Variants in CA8 observed in about 807,000 individuals in gnomAD.
CA8 encodes the protein carbonic anhydrase 8 (inactive), also known as carbonic anhydrase-related protein.
A neutral mutation model predicts 41.4 loss-of-function variants in CA8; 22 were observed. The ratio of observed to expected loss-of-function variants is 0.53; its 90% CI spans 0.38 to 0.76. The LOEUF (loss-of-function observed/expected upper bound fraction) is 0.76. Among genes scored for constraint, CA8 ranks in the 30% least tolerant of loss-of-function variants. The pLI, the probability that CA8 is intolerant of heterozygous loss-of-function variation, is 0.00. For missense variants in CA8, 270 were observed against 352.8 expected, an observed-to-expected ratio of 0.77 and a Z score of 1.88; for synonymous variants, 121 against 130.6, an observed-to-expected ratio of 0.93 and a Z score of 0.50.
intron 3 of CA8, among the ~76,000 whole-genome samples, chr8:60,242,697 G>A (rs899074760): frequency 2.0e-5 from 3 of 152,326 alleles, no homozygotes; most frequent in Middle Eastern, 3.4e-3. Context: ...GTAAAAGGGA[G>A]ACCAGACTGT....
chr8:60,263,138 C>T (rs937548772), intron 3 of CA8, among the ~76,000 whole-genome samples: 1 of 151,992 alleles, frequency 6.6e-6, no homozygotes, highest in African/African-American at 2.4e-5. Flanking sequence ...GTCAGGAGTT[C>T]GAGACCAGCC....
chr8:60,224,397 G>T, intron 6 of CA8, 140 bp downstream of exon 6: 1 of 619,058 alleles, frequency 1.6e-6, no homozygotes, highest in Non-Finnish European at 2.9e-6. Context: ...GAGTAATCTG[G>T]AAATGGTATC....
intron 3 of CA8, among the ~76,000 whole-genome samples, chr8:60,236,371 A>G (rs894121478): frequency 5.3e-5 from 8 of 152,168 alleles, no homozygotes; most frequent in Non-Finnish European, 1.2e-4. Flanking sequence ...CCCCACAACT[A>G]CATGAACCAG....
At chr8:60,226,609 C>T (rs1356275325) in intron 5 of CA8, among the ~76,000 whole-genome samples, 1 of 152,178 alleles carries the variant, frequency 6.6e-6, no homozygotes, top group African/African-American at 2.4e-5. Context: ...CACATCATTG[C>T]TAGGAGAATT....
chr8:60,197,685 TGA>T (rs1806320312), intron 8 of CA8, among the ~76,000 whole-genome samples: 1 of 152,186 alleles, frequency 6.6e-6, no homozygotes, highest in Non-Finnish European at 1.5e-5. Flanking sequence ...GAGGAGAGTT[TGA>T]GAGACGTTTG....
In CA8 at chr8:60,188,223, T is replaced by C. The variant is rs757285403; in HGVS notation, c.*1798A>G. ...AGGGTGAAGTCTGAACAACTAGATG[T>C]TATCCTGAAAGTCATTTAATTACTA... On this transcript the variant is annotated 3_prime_UTR_variant, in exon 9 of 9. Coordinates refer to ENST00000317995, the MANE Select transcript of CA8 (RefSeq NM_004056.6). The C allele has an allele frequency of 1.3e-5, 2 of 152,190 alleles. No individual in the cohort carries two copies. The highest frequency in any genetic ancestry group is 2.9e-5 in the Non-Finnish European group (2 of 68,028). 9.4% of individuals were successfully genotyped at this position (152,190 alleles called of 1,614,324 possible).
chr8:60,251,016 T>C lies in CA8; in HGVS notation c.417+14909A>G, dbSNP rs181597450. On this transcript the variant is annotated intron_variant, in intron 3 of 8. Coordinates refer to ENST00000317995, the MANE Select transcript of CA8 (RefSeq NM_004056.6). ...GTATACATGTAATAATAGCTATATA[T>C]ATATTTATATGCCATTAAATTACTA... 9.8e-4 allele frequency among the ~76,000 whole-genome samples: 149 copies of C among 152,320 alleles called. 4 individuals carry two copies. In the East Asian group the frequency reaches 0.027, roughly 27 times the overall value.
chr8:60,190,518 A>G (rs1378995818), intron 8 of CA8, among the ~76,000 whole-genome samples: 1 of 146,914 alleles, frequency 6.8e-6, no homozygotes, highest in Non-Finnish European at 1.5e-5. Context: ...TGTGCTTCTC[A>G]TATAGGAAAA....
intron 3 of CA8, among the ~76,000 whole-genome samples, chr8:60,247,437 G>T (rs113775716): frequency 6.6e-6 from 1 of 152,090 alleles, no homozygotes; most frequent in Admixed American, 6.6e-5. Flanking sequence ...CATGGTGTGT[G>T]TTGTTCCCCT....
At chr8:60,213,587 T>C (rs1055743482) in intron 7 of CA8, among the ~76,000 whole-genome samples, 1 of 152,204 alleles carries the variant, frequency 6.6e-6, no homozygotes, top group Non-Finnish European at 1.5e-5. Flanking sequence ...TTGTCCAATC[T>C]GAGATGTGCT....
At chr8:60,230,532 A>C (rs9969468) in intron 4 of CA8, among the ~76,000 whole-genome samples, 146,918 of 151,994 alleles carry the variant, frequency 0.97, 71,184 homozygotes, top group Non-Finnish European at 0.99. Flanking sequence ...AATTTCTCTC[A>C]TCCAGCCTGA....
chr8:60,219,953 A>AC (rs1807187367), intron 7 of CA8, among the ~76,000 whole-genome samples: 1 of 149,160 alleles, frequency 6.7e-6, no homozygotes, highest in South Asian at 2.2e-4. Context: ...AAAAAAAAAA[A>AC]CACTTGACTA....
chr8:60,269,855 G>A (rs1311461750), intron 2 of CA8, among the ~76,000 whole-genome samples: 1 of 152,214 alleles, frequency 6.6e-6, no homozygotes, highest in East Asian at 1.9e-4. Flanking sequence ...GCAGGAAAGG[G>A]TAGCAGGAGG....
chr8:60,280,661 G>T (rs1483583461), intron 1 of CA8, among the ~76,000 whole-genome samples: 1 of 152,206 alleles, frequency 6.6e-6, no homozygotes, highest in African/African-American at 2.4e-5. Context: ...AGCCAAAAAC[G>T]AATTCTTCAC....
chr8:60,266,146 T>C (rs1454319359), intron 2 of CA8, 97 bp from the exon 3 acceptor site: 7 of 1,145,366 alleles, frequency 6.1e-6, no homozygotes, highest in Non-Finnish European at 8.7e-6. Context: ...AATGCTCTCA[T>C]GGGCTCTACA....
At chr8:60,275,752 T>C (rs1804211629) in intron 2 of CA8, among the ~76,000 whole-genome samples, 2 of 152,166 alleles carry the variant, frequency 1.3e-5, no homozygotes, top group South Asian at 4.1e-4. Flanking sequence ...GCCCAGCATA[T>C]AGTGCAGAAA....
chr8:60,230,125 A>G (rs1807589898), intron 4 of CA8, among the ~76,000 whole-genome samples: 2 of 152,180 alleles, frequency 1.3e-5, no homozygotes, highest in South Asian at 4.1e-4. Flanking sequence ...GAGATAATGA[A>G]GGTTGTCAGG....
chr8:60,236,168 G>A (rs1017381500), intron 3 of CA8, among the ~76,000 whole-genome samples: 1 of 152,168 alleles, frequency 6.6e-6, no homozygotes, highest in African/African-American at 2.4e-5. Flanking sequence ...TCCACTACAT[G>A]AGTAGGCCTC....
At position 60,232,359 on chromosome 8, in the gene CA8, G is replaced by A. The variant is rs1201920640; in HGVS notation, c.438C>T (p.Asn146=). ...FPMELHLIHW[N]STLFGSIDEA... Reference sequence around the variant, plus strand: ...CATCAATGCTGCCAAACAGAGTGGAGTTCCAGTGGATCAGATGGAGCTGAG... The same window carrying A: ...CATCAATGCTGCCAAACAGAGTGGAATTCCAGTGGATCAGATGGAGCTGAG... The change falls in exon 4 of 9, where the codon AAC becomes AAT. Residue 146 remains asparagine, a synonymous_variant. Coordinates refer to ENST00000317995, the MANE Select transcript of CA8 (RefSeq NM_004056.6). 3 of 1,613,752 alleles carry A rather than the reference G, an allele frequency of 1.9e-6. No individual in the cohort carries two copies. The highest frequency in any genetic ancestry group is 4.5e-5 in the East Asian group (2 of 44,876).
Sources: allele counts gnomAD v4.1 joint callset (sites outside exome capture counted in the v4.1 genomes callset), GRCh38; gene constraint gnomAD v4.1.1; transcripts MANE v1.5; gene names NCBI Gene and HGNC (gene_info 2026-07-23, HGNC 2026-07-21).